KIF26A: variants seen among roughly 807,000 people sequenced by gnomAD.
KIF26A encodes the protein kinesin family member 26A.
Under a neutral mutation model 126.0 loss-of-function variants are expected in KIF26A, and 74 were observed. That is an observed-to-expected ratio of 0.59 (90% confidence interval 0.49 to 0.71). The LOEUF is 0.71. KIF26A is among the 30% of genes least tolerant of loss of function. KIF26A has a pLI of 0.00. For synonymous variants in KIF26A, 1,445 were observed against 1,232.7 expected (o/e 1.17, Z -3.61); for missense variants, 2,984 against 2,763.3 (o/e 1.08, Z -1.79).
rs1156898817 is a variant in KIF26A, at chr14:104,171,672, T to G, written c.1114-51T>G. ...TGGGCCCCTCCTGCCCTGTAATTAG[T>G]GGCCGGCTGGGCGGAGGCAGCTTCT... On this transcript the variant is annotated intron_variant, in intron 5 of 14. Coordinates refer to ENST00000423312, the MANE Select transcript of KIF26A (RefSeq NM_015656.2). The G allele has an allele frequency of 5.4e-6, 8 of 1,478,778 alleles. No homozygotes were observed. The Admixed American group carries it at 1.6e-4, about 29-fold the overall frequency. 91.6% of individuals were successfully genotyped at this position (1,478,778 alleles called of 1,614,324 possible).
In KIF26A at chr14:104,152,462, G is replaced by C; in HGVS notation, c.735+1G>C. The C allele has an allele frequency of 6.4e-7, 1 of 1,562,512 alleles. No individual in the cohort carries two copies. The stretch of plus-strand genomic sequence containing the variant: ...CAGCTTCCTCCCGCCGGCGTGCCTG[G>C]TGAGTGTCTTGCTCAGCGGATGGGA... On this transcript the variant is annotated splice_donor_variant, in intron 3 of 14. Transcript: ENST00000423312. LOFTEE classifies it high-confidence loss of function. The surrounding 1 kb of genome is among the most constrained non-coding windows in gnomAD (Gnocchi z 5.9).
intron 5 of KIF26A, among the ~76,000 whole-genome samples, chr14:104,167,648 C>T (rs1007253795): frequency 6.6e-6 from 1 of 152,188 alleles, no homozygotes; most frequent in African/African-American, 2.4e-5. Context: ...GGAGAAATAC[C>T]TGCCCTGGCT....
chr14:104,176,693 G>T lies in KIF26A; in HGVS notation c.3905G>T (p.Arg1302Leu). The change falls in exon 12 of 15, where the codon CGG becomes CTG. Residue 1302 changes from arginine to leucine, a missense_variant. Transcript: ENST00000423312. Reference sequence around the variant, plus strand: ...GCCCGCAGGCCAGAGGCTGTGGCTCGGATCCCACCGCTGCGGAGGGGTGCC... The same window carrying T: ...GCCCGCAGGCCAGAGGCTGTGGCTCTGATCCCACCGCTGCGGAGGGGTGCC... ...RAARRPEAVA[R>L]IPPLRRGATT... The T allele has an allele frequency of 1.3e-6, 2 of 1,590,792 alleles. No homozygotes were observed.
chr14:104,163,463 T>G (rs2037851199), intron 4 of KIF26A, among the ~76,000 whole-genome samples: 1 of 152,112 alleles, frequency 6.6e-6, no homozygotes, highest in South Asian at 2.1e-4. Context: ...CACAAGGGCC[T>G]CTTCCTTGCA....
chr14:104,162,407 G>A (rs1004891916), intron 4 of KIF26A, among the ~76,000 whole-genome samples: 1 of 150,338 alleles, frequency 6.7e-6, no homozygotes, highest in Non-Finnish European at 1.5e-5. Flanking sequence ...CCTGAGATCT[G>A]TGCTGCGGAC....
intron 4 of KIF26A, among the ~76,000 whole-genome samples, chr14:104,160,327 C>T (rs1411644028): frequency 2.0e-5 from 3 of 152,118 alleles, no homozygotes; most frequent in African/African-American, 4.8e-5. Context: ...AAGCACCCCC[C>T]AGCCGGATTA....
Position 104,175,590 on chromosome 14 carries a change from G to A in KIF26A, c.2802G>A (p.Leu934=). The A allele has an allele frequency of 6.2e-7, 1 of 1,609,704 alleles. No individual in the cohort carries two copies. The highest frequency in any genetic ancestry group is 8.5e-7 in the Non-Finnish European group (1 of 1,179,690). The change falls in exon 12 of 15, where the codon CTG becomes CTA. Residue 934 remains leucine (L), a synonymous_variant. Coordinates refer to ENST00000423312, the MANE Select transcript of KIF26A (RefSeq NM_015656.2). ...ACAGCAGCGCTTGGCCTGAGCTGCTGGTCCCGGAAAAGGCTGCAGTGAGTG... is the reference window on the plus strand; with the variant it reads ...ACAGCAGCGCTTGGCCTGAGCTGCTAGTCCCGGAAAAGGCTGCAGTGAGTG... ...REDSSAWPEL[L]VPEKAAVSGG...
chr14:104,139,323 C>CAGG, intron 2 of KIF26A, 35 bp downstream of exon 2: 2 of 1,396,700 alleles, frequency 1.4e-6, no homozygotes, highest in Non-Finnish European at 1.9e-6. Context: ...CCCCTCCGAG[C>CAGG]AGGGCCACGC....
intron 3 of KIF26A, among the ~76,000 whole-genome samples, chr14:104,155,769 G>C (rs746359260): frequency 1.6e-4 from 24 of 152,368 alleles, no homozygotes; most frequent in South Asian, 4.1e-4. Flanking sequence ...CCAGCTGGCC[G>C]CAGGCCTGTA....
In KIF26A at chr14:104,180,132, G is replaced by A. The variant is rs2038086375; in HGVS notation, c.*342G>A. 2 of 240,568 alleles carry A rather than the reference G, an allele frequency of 8.3e-6. No homozygotes were observed. The highest frequency in any genetic ancestry group is 4.5e-5 in the African/African-American group (2 of 44,514). The allele number at this position is 240,568 out of a possible 1,614,324, so 14.9% of individuals were successfully genotyped here. A position where few individuals can be genotyped will look rare whatever the true frequency, so the allele number is the denominator to read the frequency against. ...CCCCGCTGCGCCTGTCCGGGCCGGG[G>A]CTGGCGCCGGTTGTGTTTGTGTCCA... On this transcript the variant is annotated 3_prime_UTR_variant, in exon 15 of 15. Transcript: ENST00000423312.
chr14:104,180,489 C>T lies in KIF26A; in HGVS notation c.*699C>T, dbSNP rs1035418869. 1 of 152,222 alleles carries T rather than the reference C, an allele frequency of 6.6e-6. No individual in the cohort carries two copies. The highest frequency in any genetic ancestry group is 1.5e-5 in the Non-Finnish European group (1 of 68,064). 9.4% of individuals were successfully genotyped at this position (152,222 alleles called of 1,614,324 possible). On this transcript the variant is annotated 3_prime_UTR_variant, in exon 15 of 15. Coordinates refer to ENST00000423312, the MANE Select transcript of KIF26A (RefSeq NM_015656.2). ...AAGCAAAAAACAAAACAGACCACCA[C>T]GACCAACAACAAAGATGGGGGGTAG...
chr14:104,154,945 C>T (rs1250668328), intron 3 of KIF26A, among the ~76,000 whole-genome samples: 1 of 152,174 alleles, frequency 6.6e-6, no homozygotes. Flanking sequence ...TGGAGGGTGT[C>T]CCGTGGTCCT....
rs1334499227 is a variant in KIF26A, at chr14:104,178,574, C to T, written c.5135C>T (p.Pro1712Leu). The change falls in exon 13 of 15, where the codon CCC becomes CTC. Residue 1712 changes from proline to leucine, a missense_variant. By Grantham distance (98) the Pro-to-Leu change is moderately conservative. Coordinates refer to ENST00000423312, the MANE Select transcript of KIF26A (RefSeq NM_015656.2). ...GGTCTGCAGCGGCGGCGCCTGATTC[C>T]CGCCCCACTGCCCGACACCACTGCC... is the stretch of plus-strand genomic sequence containing the variant. ...ATGLQRRRLI[P>L]APLPDTTALG... The T allele has an allele frequency of 2.0e-6, 3 of 1,489,630 alleles. No individual in the cohort carries two copies. The highest frequency in any genetic ancestry group is 2.7e-6 in the Non-Finnish European group (3 of 1,116,926). The allele number at this position is 1,489,630 out of a possible 1,614,324, so 92.3% of individuals were successfully genotyped here.
rs1305990457 is a variant in KIF26A at position 104,171,640 on chromosome 14, C to A, written c.1114-83C>A. The A allele has an allele frequency of 1.1e-5, 14 of 1,238,276 alleles. No individual in the cohort carries two copies. In the East Asian group the frequency reaches 2.8e-4, roughly 25 times the overall value. The allele number at this position is 1,238,276 out of a possible 1,614,324, so 76.7% of individuals were successfully genotyped here. ...TGTGAGGCCTGGCCCGCTGTCCCCA[C>A]CTGAGCTGGGCCCCTCCTGCCCTGT... On this transcript the variant is annotated intron_variant, in intron 5 of 14. Coordinates refer to ENST00000423312, the MANE Select transcript of KIF26A (RefSeq NM_015656.2).
At chr14:104,171,673 G>A (rs750596905) in intron 5 of KIF26A, 50 bp from the exon 6 acceptor site, 3 of 1,483,638 alleles carry the variant, frequency 2.0e-6, no homozygotes, top group African/African-American at 1.4e-5. Flanking sequence ...TGTAATTAGT[G>A]GCCGGCTGGG....
rs1440935752 is a variant in KIF26A at position 104,138,705 on chromosome 14, T to C, written c.-18T>C. 1.6e-6 allele frequency: 2 copies of C among 1,267,758 alleles called. No individual in the cohort carries two copies. Among genetic ancestry groups the C allele is most frequent in the Non-Finnish European group, 2.0e-6 (2 of 1,007,028 alleles). The allele number at this position is 1,267,758 out of a possible 1,614,324, so 78.5% of individuals were successfully genotyped here. ...GCGTGGCCGGGAGCGCCTGCCGGGC[T>C]CTTCCCGCGCCCCGGCCATGGTCGG... On this transcript the variant is annotated 5_prime_UTR_variant, in exon 1 of 15. Coordinates refer to ENST00000423312, the MANE Select transcript of KIF26A (RefSeq NM_015656.2).
intron 2 of KIF26A, among the ~76,000 whole-genome samples, chr14:104,141,484 G>T (rs757111404): frequency 2.0e-5 from 3 of 152,188 alleles, no homozygotes; most frequent in Non-Finnish European, 4.4e-5. Flanking sequence ...AGAGGCCCTC[G>T]CCTCCGGGCT....
chr14:104,172,061 T>G, intron 6 of KIF26A, 126 bp downstream of exon 6: 1 of 910,182 alleles, frequency 1.1e-6, no homozygotes, highest in Non-Finnish European at 1.6e-6. Flanking sequence ...AGGGGCCCGC[T>G]GCCTGCGGCG....
At chr14:104,143,259 T>C (rs1374124190) in intron 2 of KIF26A, among the ~76,000 whole-genome samples, 1 of 152,244 alleles carries the variant, frequency 6.6e-6, no homozygotes, top group Non-Finnish European at 1.5e-5. Context: ...TGAGGGAAGC[T>C]GCCCATCGAG....
Sources: allele counts gnomAD v4.1 joint callset (sites outside exome capture counted in the v4.1 genomes callset), GRCh38; gene constraint gnomAD v4.1.1; non-coding constraint Gnocchi (gnomAD v3.1); transcripts MANE v1.5; gene names NCBI Gene and HGNC (gene_info 2026-07-23, HGNC 2026-07-21).